TRIO: variants seen among roughly 807,000 people sequenced by gnomAD.
TRIO encodes triple functional domain protein.
Under a neutral mutation model 351.9 loss-of-function variants are expected in TRIO, and 58 were observed. The ratio of observed to expected loss-of-function variants is 0.16; its 90% CI spans 0.13 to 0.21. TRIO has a LOEUF of 0.21. Ranked by LOEUF, TRIO falls within the 10% of genes least tolerant of loss-of-function variation. The pLI is 1.00. For synonymous variants in TRIO, 1,758 were observed against 1,595.7 expected, an observed-to-expected ratio of 1.10 and a Z score of -2.42; for missense variants, 3,201 against 4,027.8, an observed-to-expected ratio of 0.79 and a Z score of 5.56.
At position 14,151,805 on chromosome 5, in the gene TRIO, C is replaced by T. The variant is rs538440626; in HGVS notation, c.157+7923C>T. Among the ~76,000 whole-genome samples, 6 of 152,284 alleles carry T rather than the reference C, an allele frequency of 3.9e-5. No homozygotes were observed. The South Asian group carries it at 1.2e-3, about 32-fold the overall frequency. The stretch of plus-strand genomic sequence containing the variant: ...GATGCCACTGATACCTGTGAGAGGG[C>T]ACTCTTTGGCATTTGCATTCTGAAA... On this transcript the variant is annotated intron_variant, in intron 1 of 56. Transcript: ENST00000344204.
At chr5:14,375,009 T>C (rs1054975499) in intron 19 of TRIO, among the ~76,000 whole-genome samples, 1 of 152,174 alleles carries the variant, frequency 6.6e-6, no homozygotes, top group Admixed American at 6.5e-5. Flanking sequence ...GAAAAAAAAT[T>C]GTGATAATCA....
At chr5:14,462,516 A>G (rs1188353877) in intron 35 of TRIO, among the ~76,000 whole-genome samples, 1 of 152,198 alleles carries the variant, frequency 6.6e-6, no homozygotes, top group African/African-American at 2.4e-5. Context: ...AACAGATCAC[A>G]TTGGCAGTCC....
At chr5:14,431,191 CT>C (rs1751091959) in intron 34 of TRIO, among the ~76,000 whole-genome samples, 1 of 152,214 alleles carries the variant, frequency 6.6e-6, no homozygotes, top group South Asian at 2.1e-4. Context: ...TTCTGGGGTT[CT>C]GTGTGGCTCA....
chr5:14,478,414 C>G (rs1449097402), intron 41 of TRIO, among the ~76,000 whole-genome samples: 1 of 152,176 alleles, frequency 6.6e-6, no homozygotes, highest in African/African-American at 2.4e-5. Flanking sequence ...CAACTGACAT[C>G]TTAGTGGTAT....
At position 14,297,130 on chromosome 5, in the gene TRIO, G is replaced by A. The variant is rs772064848; in HGVS notation, c.1235G>A (p.Gly412Asp). Reference sequence around the variant, plus strand: ...GTGGCCAATCGTCTGGTGGAGTCTGGCCACTATGCCTCGCAGCAGATCAGG... The same window carrying A: ...GTGGCCAATCGTCTGGTGGAGTCTGACCACTATGCCTCGCAGCAGATCAGG... ...MSVANRLVES[G>D]HYASQQIRQI... Residue 412 changes from glycine to aspartate, a missense_variant, in exon 7 of 57, where the codon GGC (glycine) becomes GAC (aspartate). Gly to Asp is a moderately conservative substitution (Grantham distance 94). Transcript: ENST00000344204. 6.2e-7 allele frequency: 1 copy of A among 1,614,144 alleles called. No homozygotes were observed. The highest frequency in any genetic ancestry group is 1.1e-5 in the South Asian group (1 of 91,076).
At chr5:14,505,955 G>A (rs899364128) in intron 55 of TRIO, among the ~76,000 whole-genome samples, 2 of 152,186 alleles carry the variant, frequency 1.3e-5, no homozygotes, top group African/African-American at 2.4e-5. Flanking sequence ...CCCTCTCATC[G>A]GCTCATTTCT....
At position 14,497,997 on chromosome 5, in the gene TRIO, G is replaced by A; in HGVS notation, c.8048-92G>A. 6.2e-7 allele frequency: 1 copy of A among 1,610,460 alleles called. No homozygotes were observed. Among genetic ancestry groups the A allele is most frequent in the Non-Finnish European group, 8.5e-7 (1 of 1,176,864 alleles). ...CGTGGCGCTCTAGGCGTGCATAGCA[G>A]GTTAGGTCCTATCAATCTGTCGGGG... On this transcript the variant is annotated intron_variant, in intron 51 of 56. Coordinates refer to ENST00000344204, the MANE Select transcript of TRIO (RefSeq NM_007118.4). This position sits in a 1 kb window ranked among gnomAD's most constrained non-coding sequence, Gnocchi z 4.4.
At chr5:14,383,614 A>G (rs778047982) in intron 21 of TRIO, among the ~76,000 whole-genome samples, 19 of 152,226 alleles carry the variant, frequency 1.2e-4, no homozygotes, top group Non-Finnish European at 2.4e-4. Context: ...TCTGATCCTC[A>G]GATATGTAGA....
chr5:14,397,299 C>A, intron 29 of TRIO, 145 bp downstream of exon 29: 1 of 663,728 alleles, frequency 1.5e-6, no homozygotes, highest in Admixed American at 3.2e-5. Context: ...AGTGTCATTG[C>A]TTTTCTTGAG....
intron 34 of TRIO, among the ~76,000 whole-genome samples, chr5:14,441,709 A>T (rs1752063073): frequency 6.6e-6 from 1 of 152,188 alleles, no homozygotes; most frequent in Non-Finnish European, 1.5e-5. Context: ...TTATGATTTT[A>T]GTTGGCTTTA....
chr5:14,505,273 G>A (rs1382885809), intron 55 of TRIO, among the ~76,000 whole-genome samples: 1 of 152,264 alleles, frequency 6.6e-6, no homozygotes, highest in Non-Finnish European at 1.5e-5. Flanking sequence ...AGTCCGGCAG[G>A]GAGCGGCCGG....
intron 1 of TRIO, among the ~76,000 whole-genome samples, chr5:14,233,337 A>T (rs960485234): frequency 6.6e-6 from 1 of 150,868 alleles, no homozygotes; most frequent in Non-Finnish European, 1.5e-5. Context: ...AAAAAAAAAA[A>T]AAATTAGCCC....
intron 1 of TRIO, among the ~76,000 whole-genome samples, chr5:14,229,598 G>A (rs1038297225): frequency 6.6e-6 from 1 of 152,180 alleles, no homozygotes; most frequent in African/African-American, 2.4e-5. Flanking sequence ...AGGTTTCCCT[G>A]TACCATTAGG....
At chr5:14,479,802 T>G (rs572618431) in intron 42 of TRIO, 117 bp from the exon 43 acceptor site, 1 of 891,532 alleles carries the variant, frequency 1.1e-6, no homozygotes, top group African/African-American at 1.7e-5. Context: ...AGTCTAGTGC[T>G]TTTTTTCCTC....
intron 1 of TRIO, among the ~76,000 whole-genome samples, chr5:14,151,449 T>C (rs1307297827): frequency 6.6e-6 from 1 of 151,960 alleles, no homozygotes; most frequent in Non-Finnish European, 1.5e-5. Context: ...AGTCATAAAA[T>C]ACCCCTCTTT....
intron 1 of TRIO, among the ~76,000 whole-genome samples, chr5:14,233,065 G>A (rs968735775): frequency 1.3e-5 from 2 of 152,126 alleles, no homozygotes; most frequent in Admixed American, 6.5e-5. Flanking sequence ...CAACATGAAG[G>A]ATCACTGGGG....
chr5:14,455,404 C>T (rs891532586), intron 34 of TRIO, among the ~76,000 whole-genome samples: 10 of 151,706 alleles, frequency 6.6e-5, no homozygotes. Context: ...TCTCCAAGTC[C>T]CCACTAGATT....
At position 14,297,060 on chromosome 5, in the gene TRIO, C is replaced by A; in HGVS notation, c.1177-12C>A. 6.2e-7 allele frequency: 1 copy of A among 1,602,426 alleles called. No homozygotes were observed. The highest frequency in any genetic ancestry group is 8.5e-7 in the Non-Finnish European group (1 of 1,170,916). On this transcript the variant is annotated splice_polypyrimidine_tract_variant and intron_variant, in intron 6 of 56. Coordinates refer to ENST00000344204, the MANE Select transcript of TRIO (RefSeq NM_007118.4). ...TCCCCTAAGGAGCCCTCTTTTCCTG[C>A]CCACTTTCCAGAACGTGTATGTAAA...
At chr5:14,378,186 A>G in intron 20 of TRIO, 59 bp downstream of exon 20, 7 of 1,286,556 alleles carry the variant, frequency 5.4e-6, no homozygotes, top group Non-Finnish European at 7.7e-6. Context: ...ACCTGTCTCC[A>G]CAGAGAGGCT....
Sources: allele counts gnomAD v4.1 joint callset (sites outside exome capture counted in the v4.1 genomes callset), GRCh38; gene constraint gnomAD v4.1.1; non-coding constraint Gnocchi (gnomAD v3.1); transcripts MANE v1.5; gene names NCBI Gene and HGNC (gene_info 2026-07-23, HGNC 2026-07-21).